The following PTPRH variants were observed in gnomAD, a reference collection of about 807,000 sequenced individuals.
The protein encoded by PTPRH is receptor-type tyrosine-protein phosphatase H.
PTPRH carries 113 observed loss-of-function variants against 130.2 expected under a neutral mutation model. That is an observed-to-expected ratio of 0.87 (90% CI 0.75 to 1.01). The LOEUF (loss-of-function observed/expected upper bound fraction) is 1.01. Ranked by LOEUF, PTPRH falls within the 50% of genes least tolerant of loss-of-function variation. PTPRH has a pLI of 0.00. For synonymous variants in PTPRH, 556 were observed against 577.9 expected (o/e 0.96, Z 0.54); for missense variants, 1,430 against 1,425.0 (o/e 1.00, Z -0.06).
At chr19:55,200,532 G>A (rs781442115) in intron 6 of PTPRH, 30 bp from the exon 7 acceptor site, 1 of 1,609,806 alleles carries the variant, frequency 6.2e-7, no homozygotes, top group East Asian at 2.2e-5. Flanking sequence ...ATCCTATGTT[G>A]TCGGAGATAC....
intron 10 of PTPRH, among the ~76,000 whole-genome samples, chr19:55,195,672 C>G (rs2086661402): frequency 6.6e-6 from 1 of 152,172 alleles, no homozygotes; most frequent in Non-Finnish European, 1.5e-5. Context: ...CTCCTGGGCT[C>G]AAGTGATCCT....
chr19:55,185,633 G>A lies in PTPRH; in HGVS notation c.2931C>T (p.Arg977=). ...CCGGCCAGGCCTGGTAGTGGAATTGGCGCACAGACAGTGTCTTCTGCTCCT... is the reference window on the plus strand; with the variant it reads ...CCGGCCAGGCCTGGTAGTGGAATTGACGCACAGACAGTGTCTTCTGCTCCT... ...QVEEQKTLSV[R]QFHYQAWPDH... The change falls in exon 18 of 20, where the codon CGC becomes CGT. Residue 977 remains arginine, a synonymous_variant. Coordinates refer to ENST00000376350, the MANE Select transcript of PTPRH (RefSeq NM_002842.5). 1 of 1,614,190 alleles carries A rather than the reference G, an allele frequency of 6.2e-7. No homozygotes were observed. The highest frequency in any genetic ancestry group is 8.5e-7 in the Non-Finnish European group (1 of 1,180,016).
At chr19:55,200,524 C>A (rs1282165844) in intron 6 of PTPRH, 22 bp from the exon 7 acceptor site, 3 of 1,611,554 alleles carry the variant, frequency 1.9e-6, no homozygotes, top group Non-Finnish European at 2.5e-6. Context: ...GGAAGAAGAT[C>A]CTATGTTGTC....
chr19:55,206,806 T>G lies in PTPRH; in HGVS notation c.235A>C (p.Thr79Pro), dbSNP rs751487875. The change falls in exon 3 of 20, where the codon ACA (threonine) becomes CCA (proline). Residue 79 changes from threonine (T) to proline (P), a missense_variant. By Grantham distance (38) the Thr-to-Pro change is conservative. Coordinates refer to ENST00000376350, the MANE Select transcript of PTPRH (RefSeq NM_002842.5). ...TCCACGGTGACGTTGGTGGCTGTTG[T>G]GTTTCGAGTCTCTGTTGTGCCGCCG... ...GDGGTTETRN[T>P]TATNVTVDGL... is the part of the protein sequence containing the mutation. 5 of 1,614,066 alleles carry G rather than the reference T, an allele frequency of 3.1e-6. No individual in the cohort carries two copies. Among genetic ancestry groups the G allele is most frequent in the Non-Finnish European group, 4.2e-6 (5 of 1,180,030 alleles).
chr19:55,193,592 T>C (rs1214793885), intron 10 of PTPRH, among the ~76,000 whole-genome samples: 3 of 152,124 alleles, frequency 2.0e-5, no homozygotes, highest in Admixed American at 6.6e-5. Flanking sequence ...TGCTGGCACA[T>C]AGTGGGTGGG....
chr19:55,199,274 T>C (rs887793796), intron 7 of PTPRH, among the ~76,000 whole-genome samples: 1 of 151,978 alleles, frequency 6.6e-6, no homozygotes, highest in African/African-American at 2.4e-5. Context: ...GCCTCTGCAC[T>C]CCAGCCTGGG....
At chr19:55,203,403 CCT>C (rs2086936271) in intron 5 of PTPRH, among the ~76,000 whole-genome samples, 1 of 136,718 alleles carries the variant, frequency 7.3e-6, no homozygotes, top group Admixed American at 7.5e-5. Context: ...TTCTTTCCTT[CCT>C]TCCTTCCTTC....
At chr19:55,182,448 A>G (rs546880205) in intron 18 of PTPRH, among the ~76,000 whole-genome samples, 71 of 152,236 alleles carry the variant, frequency 4.7e-4, no homozygotes, top group African/African-American at 1.6e-3. Context: ...GCTTGAACCC[A>G]GGAGGTGGAG....
chr19:55,197,900 A>G (rs144841767), intron 8 of PTPRH, among the ~76,000 whole-genome samples: 33 of 152,232 alleles, frequency 2.2e-4, no homozygotes, highest in African/African-American at 7.2e-4. Context: ...TTTTAGCCCA[A>G]ATGACCAAGG....
In PTPRH at chr19:55,185,586, G is replaced by A. The variant is rs934863265; in HGVS notation, c.2978C>T (p.Pro993Leu). The A allele has an allele frequency of 1.2e-6, 2 of 1,614,214 alleles. No homozygotes were observed. The highest frequency in any genetic ancestry group is 1.7e-5 in the Admixed American group (1 of 60,018). ...CCTCCAGAAAGCCAGCAAGGTGTCT[G>A]GGGAGGAGGGAACGCCGTGATCCGG... is the stretch of plus-strand genomic sequence containing the variant. ...AWPDHGVPSS[P>L]DTLLAFWRML... Residue 993 changes from proline (P) to leucine (L), a missense_variant, in exon 18 of 20, where the codon CCA becomes CTA. Physicochemically the swap from Pro to Leu is moderately conservative, Grantham distance 98. Transcript: ENST00000376350.
Position 55,198,731 on chromosome 19 carries a change from T to G in PTPRH, c.1602A>C (p.Glu534Asp), listed in dbSNP as rs2086764328. Residue 534 changes from glutamate (E) to aspartate (D), a missense_variant, in exon 8 of 20, where the codon GAA becomes GAC. Coordinates refer to ENST00000376350, the MANE Select transcript of PTPRH (RefSeq NM_002842.5). ...STSGTDITLK[E>D]LEAGSLYHLT... The stretch of plus-strand genomic sequence containing the variant: ...GGTGGTACAGGCTGCCAGCTTCCAG[T>G]TCCTTTAGGGTGATGTCAGTACCTG... The G allele has an allele frequency of 6.2e-7, 1 of 1,614,022 alleles. No homozygotes were observed. The highest frequency in any genetic ancestry group is 1.3e-5 in the African/African-American group (1 of 74,940).
chr19:55,196,577 G>C lies in PTPRH; in HGVS notation c.2202C>G (p.Ile734Met). ...GAGACACGACCTTCATTCCGTCCCA[G>C]ATGGTCGTGATGGTGGCTGGGTAGG... ...ARSYPATITT[I>M]WDGMKVVSHS... The change falls in exon 10 of 20, where the codon ATC becomes ATG. Residue 734 changes from isoleucine to methionine, a missense_variant. Physicochemically the swap from Ile to Met is conservative, Grantham distance 10 (BLOSUM62 1). Coordinates refer to ENST00000376350, the MANE Select transcript of PTPRH (RefSeq NM_002842.5). 6.2e-7 allele frequency: 1 copy of C among 1,613,826 alleles called. No individual in the cohort carries two copies. Among genetic ancestry groups the C allele is most frequent in the East Asian group, 2.2e-5 (1 of 44,862 alleles).
At chr19:55,197,577 T>A (rs928851474) in intron 8 of PTPRH, among the ~76,000 whole-genome samples, 161 bp from the exon 9 acceptor site, 3 of 152,166 alleles carry the variant, frequency 2.0e-5, no homozygotes, top group Non-Finnish European at 4.4e-5. Context: ...CCAAAGACCA[T>A]GGGGACCAGA....
intron 18 of PTPRH, among the ~76,000 whole-genome samples, chr19:55,183,726 C>CAA (rs375989940): frequency 6.7e-6 from 1 of 150,074 alleles, no homozygotes; most frequent in African/African-American, 2.4e-5. Flanking sequence ...TCTGTCTCCA[C>CAA]AAAAAAAAAT....
chr19:55,191,479 A>AC (rs1279111965), intron 12 of PTPRH, 22 bp downstream of exon 12: 4 of 1,613,092 alleles, frequency 2.5e-6, no homozygotes, highest in Non-Finnish European at 3.4e-6. Flanking sequence ...TTTCCAATGC[A>AC]CCCCCCAGAC....
At position 55,202,164 on chromosome 19, in the gene PTPRH, T is replaced by C. The variant is rs2086884705; in HGVS notation, c.1045A>G (p.Thr349Ala). The change falls in exon 6 of 20, where the codon ACC (threonine) becomes GCC (alanine). Residue 349 changes from threonine to alanine, a missense_variant. Transcript: ENST00000376350. Reference sequence around the variant, plus strand: ...TCAAGTCTATCCACGGTGATGTTGGTGTGTGCTGTGCTTCGAGTCCCTGCT... The same window carrying C: ...TCAAGTCTATCCACGGTGATGTTGGCGTGTGCTGTGCTTCGAGTCCCTGCT... ...GRAGTRSTAH[T>A]NITVDRLEPG... The C allele has an allele frequency of 6.2e-7, 1 of 1,614,056 alleles. No homozygotes were observed. Among genetic ancestry groups the C allele is most frequent in the African/African-American group, 1.3e-5 (1 of 74,922 alleles).
intron 8 of PTPRH, among the ~76,000 whole-genome samples, chr19:55,197,995 T>C (rs2086739351): frequency 6.6e-6 from 1 of 152,158 alleles, no homozygotes; most frequent in Non-Finnish European, 1.5e-5. Flanking sequence ...GGAGGATCAC[T>C]TGAGCCCAAG....
Position 55,186,280 on chromosome 19 carries a change from C to G in PTPRH, c.2723G>C (p.Trp908Ser). 1 of 1,614,040 alleles carries G rather than the reference C, an allele frequency of 6.2e-7. No homozygotes were observed. The highest frequency in any genetic ancestry group is 1.1e-5 in the South Asian group (1 of 91,080). The change falls in exon 16 of 20, where the codon TGG (tryptophan) becomes TCG (serine). Residue 908 changes from tryptophan to serine, a missense_variant. Trp to Ser is a radical substitution (Grantham distance 177). Transcript: ENST00000376350. ...QTVGDFWRLV[W>S]EQQSHTLVML... is the part of the protein sequence containing the mutation. ...GACCAGGGTGTGGCTCTGCTGTTCCCACACCAGGCGCCAGAAGTCACCCAC... is the reference window on the plus strand; with the variant it reads ...GACCAGGGTGTGGCTCTGCTGTTCCGACACCAGGCGCCAGAAGTCACCCAC...
At chr19:55,203,541 G>A (rs568809401) in intron 5 of PTPRH, among the ~76,000 whole-genome samples, 10 of 151,448 alleles carry the variant, frequency 6.6e-5, no homozygotes, top group Admixed American at 2.6e-4. Flanking sequence ...TCAGCCTCCC[G>A]AGTAGGTGGG....
Sources: allele counts gnomAD v4.1 joint callset (sites outside exome capture counted in the v4.1 genomes callset), GRCh38; gene constraint gnomAD v4.1.1; transcripts MANE v1.5; gene names NCBI Gene and HGNC (gene_info 2026-07-23, HGNC 2026-07-21).